The following NRG2 variants were observed in gnomAD, a reference collection of about 807,000 sequenced individuals.
NRG2 encodes the protein neuregulin 2, also known as pro-neuregulin-2, membrane-bound isoform.
A neutral mutation model predicts 73.9 loss-of-function variants in NRG2; 27 were observed. The observed-to-expected ratio is 0.37, with a 90% confidence interval of 0.27 to 0.50. NRG2 has a LOEUF of 0.50. Ranked by LOEUF, NRG2 falls within the 20% of genes least tolerant of loss-of-function variation. The pLI is 0.96. For missense variants in NRG2, 1,126 were observed against 1,210.1 expected (o/e 0.93, Z 1.03); for synonymous variants, 532 against 541.0 (o/e 0.98, Z 0.23).
intron 1 of NRG2, among the ~76,000 whole-genome samples, chr5:139,969,954 G>A (rs1363615714): frequency 6.6e-6 from 1 of 152,142 alleles, no homozygotes; most frequent in African/African-American, 2.4e-5. Flanking sequence ...AACAATGAAT[G>A]TCATTTTACT....
intron 1 of NRG2, among the ~76,000 whole-genome samples, chr5:139,979,715 C>G (rs540386085): frequency 6.6e-6 from 1 of 152,302 alleles, no homozygotes; most frequent in African/African-American, 2.4e-5. Context: ...ATCCTGCCAA[C>G]GACACATGAG....
intron 1 of NRG2, among the ~76,000 whole-genome samples, chr5:140,010,847 G>A (rs539185047): frequency 2.0e-5 from 3 of 152,284 alleles, no homozygotes; most frequent in East Asian, 3.9e-4. Flanking sequence ...GGACACATCC[G>A]TGCTCCCCCA....
chr5:139,956,805 C>T (rs907510318), intron 1 of NRG2, among the ~76,000 whole-genome samples: 7 of 152,186 alleles, frequency 4.6e-5, no homozygotes, highest in Non-Finnish European at 7.4e-5. Context: ...TTTCAGTGCC[C>T]GACAAAGGGT....
chr5:139,904,179 C>T lies in NRG2; in HGVS notation c.701-16668G>A, dbSNP rs1765066723. On this transcript the variant is annotated intron_variant, in intron 1 of 9. Transcript: ENST00000361474. The surrounding 1 kb of genome is among the most constrained non-coding windows in gnomAD (Gnocchi z 6.0). ...CCGCTCGCACGCAGGCACGCGCGCC[C>T]TCGGTGCCTGTCACCGCGGCGGCCG... 1.0e-6 allele frequency: 1 copy of T among 961,050 alleles called. No homozygotes were observed. The highest frequency in any genetic ancestry group is 1.4e-6 in the Non-Finnish European group (1 of 720,434). 59.5% of individuals were successfully genotyped at this position (961,050 alleles called of 1,614,324 possible).
chr5:140,024,100 C>T (rs1760469152), intron 1 of NRG2, among the ~76,000 whole-genome samples: 1 of 152,106 alleles, frequency 6.6e-6, no homozygotes, highest in African/African-American at 2.4e-5. Flanking sequence ...GCTCCCTCCC[C>T]CAAGACTCCT....
chr5:139,847,658 T>G lies in NRG2; in HGVS notation c.*259A>C. ...TTGGCCCATCTCTCTTTTTTTTTTG[T>G]TGTTTCTTTTTTTTTTCCGAAGCTG... On this transcript the variant is annotated 3_prime_UTR_variant, in exon 10 of 10. Transcript: ENST00000361474. The G allele has an allele frequency of 1.0e-4, 31 of 299,904 alleles. No individual in the cohort carries two copies. Among genetic ancestry groups the G allele is most frequent in the Non-Finnish European group, 1.4e-4 (24 of 165,834 alleles). The allele number at this position is 299,904 out of a possible 1,614,324, so 18.6% of individuals were successfully genotyped here. A position where few individuals can be genotyped will look rare whatever the true frequency, so the allele number is the denominator to read the frequency against.
In NRG2 at chr5:139,851,376, G is replaced by A. The variant is rs1297202270; in HGVS notation, c.1772+228C>T. ...TCCTGGGAGGACAATTAAATTAGATGGTCACTGTCCACCAGGGTCCACTGG... is the reference window on the plus strand; with the variant it reads ...TCCTGGGAGGACAATTAAATTAGATAGTCACTGTCCACCAGGGTCCACTGG... On this transcript the variant is annotated intron_variant, in intron 9 of 9. Transcript: ENST00000361474. The surrounding 1 kb of genome is among the most constrained non-coding windows in gnomAD (Gnocchi z 4.2). Among the ~76,000 whole-genome samples, 24 of 152,216 alleles carry A rather than the reference G, an allele frequency of 1.6e-4. No individual in the cohort carries two copies. Among genetic ancestry groups the A allele is most frequent in the Admixed American group, 1.6e-3 (24 of 15,292 alleles).
chr5:139,880,513 C>A (rs1763463470), intron 3 of NRG2, among the ~76,000 whole-genome samples: 1 of 152,186 alleles, frequency 6.6e-6, no homozygotes, highest in East Asian at 1.9e-4. Flanking sequence ...ATGCCCCAGG[C>A]CTGCCTCTCC....
chr5:140,042,644 G>T lies in NRG2; in HGVS notation c.426C>A (p.Gly142=), dbSNP rs750938007. 1 of 1,599,604 alleles carries T rather than the reference G, an allele frequency of 6.3e-7. No homozygotes were observed. Among genetic ancestry groups the T allele is most frequent in the East Asian group, 2.3e-5 (1 of 44,086 alleles). ...EGKVQGLVPA[G]GSSSNSTREP... ...CTCGGGTGCTGTTGGAGCTGGAGCC[G>T]CCGGCTGGGACCAGCCCCTGTACCT... Residue 142 remains glycine, a synonymous_variant, in exon 1 of 10, where the codon GGC becomes GGA. Coordinates refer to ENST00000361474, the MANE Select transcript of NRG2 (RefSeq NM_004883.3).
At chr5:140,033,962 CTT>C (rs771835768) in intron 1 of NRG2, among the ~76,000 whole-genome samples, 42 of 143,038 alleles carry the variant, frequency 2.9e-4, no homozygotes, top group Non-Finnish European at 2.6e-4. Context: ...AGACGGTTTC[CTT>C]TTTTTTTTTT....
intron 1 of NRG2, among the ~76,000 whole-genome samples, chr5:139,941,220 TTCA>T (rs1349714516): frequency 6.6e-6 from 1 of 152,170 alleles, no homozygotes; most frequent in Non-Finnish European, 1.5e-5. Flanking sequence ...GATTTTCGAC[TTCA>T]TGGGCCAAAA....
rs1254435909 is a variant in NRG2, at chr5:139,915,837, G to T, written c.701-28326C>A. On this transcript the variant is annotated intron_variant, in intron 1 of 9. Coordinates refer to ENST00000361474, the MANE Select transcript of NRG2 (RefSeq NM_004883.3). This position sits in a 1 kb window ranked among gnomAD's most constrained non-coding sequence, Gnocchi z 4.0. The stretch of plus-strand genomic sequence containing the variant: ...AGATGCTTTCCTGGAATATGGGACA[G>T]CCTGGCAATGACACTGAGTGGGAAT... Among the ~76,000 whole-genome samples the T allele has an allele frequency of 2.0e-5, 3 of 152,184 alleles. No individual in the cohort carries two copies. The highest frequency in any genetic ancestry group is 4.4e-5 in the Non-Finnish European group (3 of 68,042).
rs2436590 is a variant in NRG2 at position 139,956,315 on chromosome 5, C to G, written c.701-68804G>C. Among the ~76,000 whole-genome samples the G allele has an allele frequency of 9.0e-3, 1,364 of 152,150 alleles. 21 individuals carry two copies. The highest frequency in any genetic ancestry group is 0.031 in the African/African-American group (1,272 of 41,508). ...CTGTCCCTGTCCTGACCAGCTAGCA[C>G]CTCCCCCAGAAACCTTCCCTGACCC... On this transcript the variant is annotated intron_variant, in intron 1 of 9. Coordinates refer to ENST00000361474, the MANE Select transcript of NRG2 (RefSeq NM_004883.3).
chr5:139,854,792 A>G (rs1165647141), intron 6 of NRG2, among the ~76,000 whole-genome samples: 2 of 151,812 alleles, frequency 1.3e-5, no homozygotes, highest in Non-Finnish European at 2.9e-5. Context: ...AGAAGGTCAT[A>G]GGGCCTTGGA....
In NRG2 at chr5:139,847,562, T is replaced by TC. The variant is rs1761073023; in HGVS notation, c.*354dup. On this transcript the variant is annotated 3_prime_UTR_variant, in exon 10 of 10. Transcript: ENST00000361474. ...CTCAGCACCCCACAACCCAGACCTG[T>TC]CCCCCGGAGCCCCAGATGAGCATAC... 1 of 156,762 alleles carries TC rather than the reference T, an allele frequency of 6.4e-6. No individual in the cohort carries two copies. The highest frequency in any genetic ancestry group is 2.1e-4 in the South Asian group (1 of 4,694). The allele number at this position is 156,762 out of a possible 1,614,324, so 9.7% of individuals were successfully genotyped here. A position where few individuals can be genotyped will look rare whatever the true frequency, so the allele number is the denominator to read the frequency against.
intron 1 of NRG2, among the ~76,000 whole-genome samples, chr5:139,927,299 T>G (rs1752130387): frequency 6.6e-6 from 1 of 152,016 alleles, no homozygotes; most frequent in African/African-American, 2.4e-5. Context: ...GCTGTGCTTA[T>G]TCTTGGCTCA....
chr5:139,966,200 C>G (rs147136307), intron 1 of NRG2, among the ~76,000 whole-genome samples: 1 of 152,260 alleles, frequency 6.6e-6, no homozygotes, highest in East Asian at 1.9e-4. Flanking sequence ...AGGAGTGATG[C>G]ACCTAAACAC....
chr5:139,888,094 C>T (rs1308083161), intron 1 of NRG2, among the ~76,000 whole-genome samples: 1 of 151,216 alleles, frequency 6.6e-6, no homozygotes, highest in Non-Finnish European at 1.5e-5. Context: ...CTCTCCCCAC[C>T]ACCAAAATAC....
chr5:140,029,805 G>A (rs1029685050), intron 1 of NRG2, among the ~76,000 whole-genome samples: 1 of 152,036 alleles, frequency 6.6e-6, no homozygotes, highest in Admixed American at 6.6e-5. Flanking sequence ...CTAAGGGACT[G>A]TACCCTCTAC....
Sources: gnomAD v4.1 joint callset for allele counts (sites outside exome capture counted in the v4.1 genomes callset) on GRCh38, gnomAD v4.1.1 for gene constraint, Gnocchi (gnomAD v3.1) non-coding constraint, MANE v1.5 for transcripts, NCBI Gene and HGNC (gene_info 2026-07-23, HGNC 2026-07-21) for gene names.